DSCAML1: variants seen among roughly 807,000 people sequenced by gnomAD.
DSCAML1 encodes the protein DS cell adhesion molecule like 1, also known as cell adhesion molecule DSCAML1.
Under a neutral mutation model 200.5 loss-of-function variants are expected in DSCAML1, and 38 were observed. The ratio of observed to expected loss-of-function variants is 0.19; its 90% CI spans 0.15 to 0.25. The LOEUF (loss-of-function observed/expected upper bound fraction) is 0.25, where lower values mean the gene tolerates loss of function less well. DSCAML1 is among the 10% of genes least tolerant of loss of function. The pLI, the probability that DSCAML1 is intolerant of heterozygous loss-of-function variation, is 1.00. For synonymous variants in DSCAML1, 1,215 were observed against 1,165.0 expected, an observed-to-expected ratio of 1.04 and a Z score of -0.87; for missense variants, 2,223 against 2,858.8, an observed-to-expected ratio of 0.78 and a Z score of 5.07.
In DSCAML1 at chr11:117,428,484, G is replaced by A. The variant is rs764021953; in HGVS notation, c.6006C>T (p.Ala2002=). Residue 2002 remains alanine (A), a synonymous_variant, in exon 33 of 33, where the codon GCC becomes GCT. Transcript: ENST00000651296. ...GAGGCTCGGTGCTGGGGGCCGGAGG[G>A]GCAGCGCTGGGGGCGGTGGGTGGCT... The part of the protein sequence containing the change: ...PAEPPTAPSA[A]PPAPSTEPPR... The A allele has an allele frequency of 2.5e-4, 385 of 1,534,308 alleles. No homozygotes were observed. Among genetic ancestry groups the A allele is most frequent in the Non-Finnish European group, 3.2e-4 (366 of 1,139,252 alleles).
At position 117,467,193 on chromosome 11, in the gene DSCAML1, A is replaced by ACCCCCCCCCC. The variant is rs757481843; in HGVS notation, c.3025-2012_3025-2011insGGGGGGGGGG. On this transcript the variant is annotated intron_variant, in intron 16 of 32. Transcript: ENST00000651296. ...CGCGCACGCATGCGCGTGCACACAC[A>ACCCCCCCCCC]CCTCCCCCCTCCCCCCGCCGCCAAT... Among the ~76,000 whole-genome samples, 69 of 109,498 alleles carry ACCCCCCCCCC rather than the reference A, an allele frequency of 6.3e-4. 4 individuals carry two copies. The highest frequency in any genetic ancestry group is 1.5e-3 in the African/African-American group (34 of 22,602). The allele number at this position is 109,498 out of a possible 152,430, so 71.8% of individuals were successfully genotyped here.
intron 20 of DSCAML1, among the ~76,000 whole-genome samples, chr11:117,447,833 C>T (rs1350447558): frequency 1.3e-5 from 2 of 152,214 alleles, no homozygotes; most frequent in Non-Finnish European, 2.9e-5. Flanking sequence ...TGTGCCCTCA[C>T]CCCTAGCACC....
intron 3 of DSCAML1, among the ~76,000 whole-genome samples, chr11:117,575,019 C>T (rs906204249): frequency 4.6e-5 from 7 of 152,024 alleles, no homozygotes; most frequent in African/African-American, 1.4e-4. Context: ...GGTGAAACCC[C>T]GTCTCTACTA....
intron 11 of DSCAML1, among the ~76,000 whole-genome samples, chr11:117,501,347 C>T (rs954510426): frequency 1.3e-5 from 2 of 152,134 alleles, no homozygotes; most frequent in Non-Finnish European, 2.9e-5. Context: ...CCCACTTCCA[C>T]CCCGCCCCCC....
At chr11:117,609,027 CAAACA>C (rs995418009) in intron 3 of DSCAML1, among the ~76,000 whole-genome samples, 3 of 110,824 alleles carry the variant, frequency 2.7e-5, no homozygotes, top group African/African-American at 3.5e-5. Flanking sequence ...AACAAACAAA[CAAACA>C]AACAAAAAAA....
At chr11:117,757,845 C>A (rs1304669613) in intron 3 of DSCAML1, among the ~76,000 whole-genome samples, 1 of 151,936 alleles carries the variant, frequency 6.6e-6, no homozygotes, top group African/African-American at 2.4e-5. Context: ...ACAAAATTAG[C>A]CAGGTGTGGT....
At chr11:117,692,259 GC>G (rs2053508562) in intron 3 of DSCAML1, among the ~76,000 whole-genome samples, 1 of 152,110 alleles carries the variant, frequency 6.6e-6, no homozygotes, top group East Asian at 1.9e-4. Context: ...TGCTAAATCA[GC>G]CCCTTTTGTC....
rs2054317857 is a variant in DSCAML1, at chr11:117,736,466, A to G, written c.511+40325T>C. On this transcript the variant is annotated intron_variant, in intron 3 of 32. Coordinates refer to ENST00000651296, the MANE Select transcript of DSCAML1 (RefSeq NM_020693.4). ...GACATCATCACCTCCATCACATGCTACTGGTCACACAAACCAACCCTGGTG... is the reference window on the plus strand; with the variant it reads ...GACATCATCACCTCCATCACATGCTGCTGGTCACACAAACCAACCCTGGTG... 1.3e-5 allele frequency among the ~76,000 whole-genome samples: 2 copies of G among 152,188 alleles called. 1 individual carries two copies. Among genetic ancestry groups the G allele is most frequent in the South Asian group, 4.1e-4 (2 of 4,830 alleles).
At chr11:117,512,483 C>G (rs1236358547) in intron 8 of DSCAML1, among the ~76,000 whole-genome samples, 4 of 152,140 alleles carry the variant, frequency 2.6e-5, no homozygotes, top group Non-Finnish European at 5.9e-5. Flanking sequence ...GGGGCCTGAG[C>G]TTTTGGAGTG....
chr11:117,745,242 G>A (rs554639538), intron 3 of DSCAML1, among the ~76,000 whole-genome samples: 3 of 151,804 alleles, frequency 2.0e-5, no homozygotes, highest in African/African-American at 4.8e-5. Context: ...GTGGCTGCGT[G>A]AGCATGTTCA....
intron 3 of DSCAML1, among the ~76,000 whole-genome samples, chr11:117,764,372 C>A (rs539165464): frequency 6.5e-4 from 99 of 152,322 alleles, no homozygotes; most frequent in African/African-American, 2.2e-3. Context: ...TATTTATACA[C>A]ATGCACGCAT....
At chr11:117,719,829 G>A (rs994202392) in intron 3 of DSCAML1, among the ~76,000 whole-genome samples, 2 of 152,116 alleles carry the variant, frequency 1.3e-5, no homozygotes, top group Non-Finnish European at 2.9e-5. Flanking sequence ...AGGTCCAGGC[G>A]GGCAGAGCTC....
intron 3 of DSCAML1, among the ~76,000 whole-genome samples, chr11:117,577,605 C>T (rs1488589331): frequency 3.5e-5 from 5 of 143,812 alleles, no homozygotes; most frequent in South Asian, 2.3e-4. Context: ...CTCGCTCTGT[C>T]GCCCAGGCTG....
chr11:117,756,946 T>C (rs780573513), intron 3 of DSCAML1, among the ~76,000 whole-genome samples: 7 of 152,130 alleles, frequency 4.6e-5, no homozygotes, highest in Admixed American at 4.6e-4. Flanking sequence ...TGCTTTGACC[T>C]GGAGGATGGG....
chr11:117,732,026 C>T (rs2054229700), intron 3 of DSCAML1, among the ~76,000 whole-genome samples: 5 of 152,186 alleles, frequency 3.3e-5, no homozygotes, highest in Admixed American at 3.3e-4. Flanking sequence ...CTTCCAGGCT[C>T]AAGGGCCCTA....
At chr11:117,761,468 G>A (rs753078227) in intron 3 of DSCAML1, among the ~76,000 whole-genome samples, 2 of 152,232 alleles carry the variant, frequency 1.3e-5, no homozygotes, top group Non-Finnish European at 2.9e-5. Flanking sequence ...GACAGATAGT[G>A]GGCTCTGATA....
chr11:117,739,123 A>C (rs1246667263), intron 3 of DSCAML1, among the ~76,000 whole-genome samples: 1 of 152,216 alleles, frequency 6.6e-6, no homozygotes, highest in Non-Finnish European at 1.5e-5. Context: ...TCCATTGCCA[A>C]TTGATAAAGA....
At chr11:117,432,723 T>G (rs565371306) in intron 29 of DSCAML1, among the ~76,000 whole-genome samples, 13 of 151,972 alleles carry the variant, frequency 8.6e-5, no homozygotes, top group Non-Finnish European at 1.5e-4. Flanking sequence ...GCTATCCTCC[T>G]ACCTCAACCT....
chr11:117,630,658 CAA>C (rs56741831), intron 3 of DSCAML1, among the ~76,000 whole-genome samples: 7,575 of 44,484 alleles, frequency 0.17, 120 homozygotes, highest in East Asian at 0.23. Context: ...ATAAAGTGGC[CAA>C]AAAAAAAAAA....
Sources: gnomAD v4.1 joint callset for allele counts (sites outside exome capture counted in the v4.1 genomes callset) on GRCh38, gnomAD v4.1.1 for gene constraint, MANE v1.5 for transcripts, NCBI Gene and HGNC (gene_info 2026-07-23, HGNC 2026-07-21) for gene names.